MAGI2: variants seen among roughly 807,000 people sequenced by gnomAD.
MAGI2 encodes the protein membrane-associated guanylate kinase, WW and PDZ domain-containing protein 2.
In MAGI2, 35 loss-of-function variants were observed where a neutral mutation model predicts 133.3. The ratio of observed to expected loss-of-function variants is 0.26; its 90% confidence interval spans 0.20 to 0.35. The LOEUF is 0.35. Ranked by LOEUF, MAGI2 falls within the 10% of genes least tolerant of loss-of-function variation. The probability of loss-of-function intolerance (pLI) is 1.00; values close to 1 mark genes in which losing one functional copy is unlikely to be tolerated. For missense variants in MAGI2, 1,636 were observed against 1,863.4 expected (o/e 0.88, Z 2.25); for synonymous variants, 729 against 710.6 (o/e 1.03, Z -0.41).
intron 20 of MAGI2, among the ~76,000 whole-genome samples, chr7:78,101,222 C>T (rs1372382436): frequency 6.6e-6 from 1 of 152,138 alleles, no homozygotes; most frequent in African/African-American, 2.4e-5. Flanking sequence ...TTGCATAGAA[C>T]CCTTTGACCT....
intron 2 of MAGI2, among the ~76,000 whole-genome samples, chr7:78,830,489 A>C (rs2151440976): frequency 6.6e-6 from 1 of 152,240 alleles, no homozygotes. Flanking sequence ...TCCATTCTGC[A>C]TCCATTCTAT....
At chr7:79,448,235 A>G (rs1045875975) in intron 1 of MAGI2, among the ~76,000 whole-genome samples, 3 of 152,090 alleles carry the variant, frequency 2.0e-5, no homozygotes, top group Non-Finnish European at 2.9e-5. Context: ...AATATTTTCC[A>G]TTGTATTTAT....
At chr7:79,314,328 C>G (rs1409511241) in intron 1 of MAGI2, among the ~76,000 whole-genome samples, 1 of 151,886 alleles carries the variant, frequency 6.6e-6, no homozygotes, top group African/African-American at 2.4e-5. Context: ...ATGCTGGTCT[C>G]AAACTCCTGA....
chr7:78,577,483 C>G (rs1490279624), intron 3 of MAGI2, among the ~76,000 whole-genome samples: 2 of 152,088 alleles, frequency 1.3e-5, no homozygotes, highest in African/African-American at 4.8e-5. Context: ...GATTTTCATG[C>G]ACGTCCGTGT....
chr7:78,714,193 A>G (rs1343827734), intron 2 of MAGI2, among the ~76,000 whole-genome samples: 1 of 152,182 alleles, frequency 6.6e-6, no homozygotes, highest in Non-Finnish European at 1.5e-5. Flanking sequence ...AAATGAACAC[A>G]AAGTGTGGAA....
intron 3 of MAGI2, among the ~76,000 whole-genome samples, chr7:78,540,550 C>A (rs1450163557): frequency 1.3e-5 from 2 of 152,168 alleles, no homozygotes; most frequent in Non-Finnish European, 2.9e-5. Flanking sequence ...TGCCCCTCCC[C>A]ACCTGCCATG....
rs148728324 is a variant in MAGI2 at position 79,219,628 on chromosome 7, C to T, written c.302-212422G>A. ...ATAAAGACATTTACCTTTTAAGATG[C>T]TTCAGGGACATAGAATGACAAATGA... On this transcript the variant is annotated intron_variant, in intron 1 of 21. Coordinates refer to ENST00000354212, the MANE Select transcript of MAGI2 (RefSeq NM_012301.4). 1.4e-4 allele frequency among the ~76,000 whole-genome samples: 22 copies of T among 152,164 alleles called. 1 individual carries two copies. Among genetic ancestry groups the T allele is most frequent in the African/African-American group, 5.3e-4 (22 of 41,458 alleles).
intron 21 of MAGI2, among the ~76,000 whole-genome samples, chr7:78,070,602 A>ATG (rs1326687659): frequency 8.6e-5 from 4 of 46,384 alleles, no homozygotes; most frequent in African/African-American, 2.0e-4. Flanking sequence ...ATGTGTATAT[A>ATG]TGTGTATATA....
intron 1 of MAGI2, among the ~76,000 whole-genome samples, chr7:79,361,596 G>A (rs960209048): frequency 6.6e-6 from 1 of 152,168 alleles, no homozygotes; most frequent in Admixed American, 6.5e-5. Flanking sequence ...GTGGCTGGTC[G>A]TGGAAAGAGA....
intron 2 of MAGI2, among the ~76,000 whole-genome samples, chr7:78,851,740 G>A (rs964648448): frequency 2.0e-5 from 3 of 152,080 alleles, no homozygotes; most frequent in South Asian, 4.1e-4. Context: ...CCATGTTGAC[G>A]TCTGTAGTTA....
chr7:78,335,443 T>A (rs1028790275), intron 9 of MAGI2, among the ~76,000 whole-genome samples: 1 of 152,200 alleles, frequency 6.6e-6, no homozygotes, highest in Non-Finnish European at 1.5e-5. Context: ...ATCTGACTAG[T>A]CTTCAAACTC....
rs541671401 is a variant in MAGI2 at position 78,591,453 on chromosome 7, G to A, written c.538+35667C>T. ...AGGGATGAATCCAAGCTGGAGGTGC[G>A]GGGAGTACTCTATTCCACAGAACTC... On this transcript the variant is annotated intron_variant, in intron 3 of 21. Transcript: ENST00000354212. Among the ~76,000 whole-genome samples, 111 of 152,308 alleles carry A rather than the reference G, an allele frequency of 7.3e-4. 1 individual carries two copies. Among genetic ancestry groups the A allele is most frequent in the African/African-American group, 2.6e-3 (107 of 41,582 alleles).
intron 6 of MAGI2, among the ~76,000 whole-genome samples, chr7:78,411,499 ATAAC>A (rs1247555721): frequency 6.6e-6 from 1 of 152,074 alleles, no homozygotes; most frequent in Non-Finnish European, 1.5e-5. Flanking sequence ...CAGTAGGCTA[ATAAC>A]TAATACTGGC....
chr7:79,428,098 A>C (rs2129184537), intron 1 of MAGI2, among the ~76,000 whole-genome samples: 1 of 152,274 alleles, frequency 6.6e-6, no homozygotes, highest in Middle Eastern at 3.4e-3. Context: ...TACTAAAGTG[A>C]CAAGTAAGTT....
At chr7:78,174,224 T>C (rs900477832) in intron 14 of MAGI2, among the ~76,000 whole-genome samples, 2 of 152,160 alleles carry the variant, frequency 1.3e-5, no homozygotes, top group Admixed American at 6.5e-5. Flanking sequence ...ATAAACACCA[T>C]TAAATTACAG....
chr7:79,444,800 T>C (rs1456893892), intron 1 of MAGI2, among the ~76,000 whole-genome samples: 1 of 152,100 alleles, frequency 6.6e-6, no homozygotes, highest in Non-Finnish European at 1.5e-5. Context: ...CTTCACAGAA[T>C]TGGAAAAAAA....
At chr7:79,116,070 A>G (rs1483736071) in intron 1 of MAGI2, among the ~76,000 whole-genome samples, 1 of 152,082 alleles carries the variant, frequency 6.6e-6, no homozygotes, top group Non-Finnish European at 1.5e-5. Flanking sequence ...AGAATCCAAG[A>G]CAAAAACCAG....
At chr7:78,059,743 C>T (rs1402485207) in intron 21 of MAGI2, among the ~76,000 whole-genome samples, 2 of 148,768 alleles carry the variant, frequency 1.3e-5, no homozygotes, top group African/African-American at 2.5e-5. Context: ...GAGAGCTCCT[C>T]GAGGGAGGAA....
At chr7:78,784,796 T>C (rs1302123815) in intron 2 of MAGI2, among the ~76,000 whole-genome samples, 1 of 152,230 alleles carries the variant, frequency 6.6e-6, no homozygotes, top group Non-Finnish European at 1.5e-5. Context: ...CTGTGTCAAG[T>C]AAAGCTTTGA....
Sources: gnomAD v4.1 joint callset for allele counts (sites outside exome capture counted in the v4.1 genomes callset) on GRCh38, gnomAD v4.1.1 for gene constraint, MANE v1.5 for transcripts, NCBI Gene and HGNC (gene_info 2026-07-23, HGNC 2026-07-21) for gene names.